Variants in MTUS2 observed in about 807,000 individuals in gnomAD.
MTUS2 encodes the protein microtubule associated scaffold protein 2.
A neutral mutation model predicts 114.1 loss-of-function variants in MTUS2; 40 were observed. The ratio of observed to expected loss-of-function variants is 0.35; its 90% confidence interval spans 0.27 to 0.46. The LOEUF (loss-of-function observed/expected upper bound fraction) is 0.46, where lower values mean the gene tolerates loss of function less well. Ranked by LOEUF, MTUS2 falls within the 20% of genes least tolerant of loss-of-function variation. The pLI is 1.00. For synonymous variants in MTUS2, 688 were observed against 672.0 expected, an observed-to-expected ratio of 1.02 and a Z score of -0.37; for missense variants, 1,679 against 1,705.4, an observed-to-expected ratio of 0.98 and a Z score of 0.27.
At chr13:29,049,671 G>C (rs1202189546) in intron 4 of MTUS2, among the ~76,000 whole-genome samples, 1 of 152,196 alleles carries the variant, frequency 6.6e-6, no homozygotes, top group Non-Finnish European at 1.5e-5. Context: ...AGCCTACAGA[G>C]CAGGAGGCTC....
intron 4 of MTUS2, among the ~76,000 whole-genome samples, chr13:29,071,409 ATTTTTTTTTTTTTTTTTT>A (rs751020009): frequency 1.5e-4 from 7 of 46,082 alleles, no homozygotes; most frequent in African/African-American, 3.3e-4. Flanking sequence ...TGTTGCTTGA[ATTTTTTTTTTTTTTTTTT>A]TTTTTTTTTT....
chr13:29,465,505 C>T (rs540094042), intron 9 of MTUS2, among the ~76,000 whole-genome samples: 8 of 152,288 alleles, frequency 5.3e-5, no homozygotes, highest in African/African-American at 1.9e-4. Flanking sequence ...ACCAGGTAAT[C>T]GCGTAGGCTA....
chr13:29,057,368 A>G (rs144632304), intron 4 of MTUS2, among the ~76,000 whole-genome samples: 114 of 152,148 alleles, frequency 7.5e-4, no homozygotes, highest in South Asian at 6.0e-3. Context: ...TTCTGTCTCA[A>G]TGATCTGTCT....
chr13:28,834,783 A>G (rs1170481576), intron 1 of MTUS2, among the ~76,000 whole-genome samples: 1 of 152,200 alleles, frequency 6.6e-6, no homozygotes, highest in South Asian at 2.1e-4. Context: ...TCTAATAAGG[A>G]TCTTGTATCC....
chr13:28,855,742 C>T (rs969066686), intron 2 of MTUS2, among the ~76,000 whole-genome samples: 3 of 152,110 alleles, frequency 2.0e-5, no homozygotes, highest in Non-Finnish European at 4.4e-5. Context: ...CATACACATG[C>T]ATGTATCTTT....
At chr13:28,968,012 T>TA (rs572575588) in intron 2 of MTUS2, among the ~76,000 whole-genome samples, 1 of 152,212 alleles carries the variant, frequency 6.6e-6, no homozygotes, top group African/African-American at 2.4e-5. Context: ...ATGCAATAGA[T>TA]AAAAATTATT....
At chr13:29,319,300 A>G (rs533829700) in intron 6 of MTUS2, among the ~76,000 whole-genome samples, 1 of 152,342 alleles carries the variant, frequency 6.6e-6, no homozygotes, top group Non-Finnish European at 1.5e-5. Context: ...TCCGGAGGTC[A>G]TGGTGACGTG....
intron 2 of MTUS2, among the ~76,000 whole-genome samples, chr13:28,849,573 A>AG (rs1876112750): frequency 6.6e-6 from 1 of 152,206 alleles, no homozygotes. Context: ...ACCTGAGGCT[A>AG]GGGGCACAGA....
chr13:28,908,277 G>A (rs912422520), intron 2 of MTUS2, among the ~76,000 whole-genome samples: 5 of 151,466 alleles, frequency 3.3e-5, no homozygotes, highest in South Asian at 2.1e-4. Context: ...ATCTCCAAAC[G>A]CTATCCCTTC....
At chr13:28,870,645 TGA>T (rs1181490056) in intron 2 of MTUS2, among the ~76,000 whole-genome samples, 1 of 151,902 alleles carries the variant, frequency 6.6e-6, no homozygotes, top group Non-Finnish European at 1.5e-5. Context: ...GAGCAGGTCC[TGA>T]GAGAGATAGT....
intron 8 of MTUS2, among the ~76,000 whole-genome samples, chr13:29,428,242 G>T (rs1162653773): frequency 6.6e-6 from 1 of 152,272 alleles, no homozygotes; most frequent in African/African-American, 2.4e-5. Context: ...TTCATGGGAG[G>T]AGAGGCCATA....
chr13:29,256,551 T>C (rs552273569), intron 5 of MTUS2, among the ~76,000 whole-genome samples: 26 of 152,328 alleles, frequency 1.7e-4, no homozygotes, highest in South Asian at 2.1e-4. Flanking sequence ...GTCCTAAATC[T>C]CTTCAGGGTC....
intron 2 of MTUS2, among the ~76,000 whole-genome samples, chr13:28,840,796 G>A (rs926625666): frequency 6.6e-6 from 1 of 152,172 alleles, no homozygotes; most frequent in Non-Finnish European, 1.5e-5. Context: ...AAGAGTTTGA[G>A]GTTTGGCTTT....
chr13:29,235,284 G>A (rs1476708837), intron 5 of MTUS2, among the ~76,000 whole-genome samples: 1 of 152,070 alleles, frequency 6.6e-6, no homozygotes, highest in East Asian at 1.9e-4. Flanking sequence ...GTAGAGATGG[G>A]GTTTCTCCAT....
intron 2 of MTUS2, among the ~76,000 whole-genome samples, chr13:28,859,759 A>G (rs1876857871): frequency 6.6e-6 from 1 of 152,122 alleles, no homozygotes; most frequent in Non-Finnish European, 1.5e-5. Flanking sequence ...TACAGGAGAA[A>G]GGGTAGAATA....
intron 1 of MTUS2, among the ~76,000 whole-genome samples, chr13:28,824,976 G>T (rs1349520970): frequency 6.6e-6 from 1 of 152,226 alleles, no homozygotes; most frequent in Non-Finnish European, 1.5e-5. Context: ...TAAAGGAGAT[G>T]GAAGAGTGAG....
chr13:29,334,410 A>G (rs1162087375), intron 7 of MTUS2, among the ~76,000 whole-genome samples: 3 of 152,188 alleles, frequency 2.0e-5, no homozygotes, highest in Admixed American at 1.3e-4. Flanking sequence ...GGTGGTGACA[A>G]AATCTCTCAG....
intron 5 of MTUS2, 72 bp downstream of exon 5, chr13:29,101,042 T>G: frequency 7.2e-7 from 1 of 1,397,090 alleles, no homozygotes; most frequent in Non-Finnish European, 9.5e-7. Flanking sequence ...CTGTGTGTCA[T>G]TTTCTTTGCA....
chr13:28,993,250 C>G (rs551890300), intron 2 of MTUS2, among the ~76,000 whole-genome samples: 2 of 152,050 alleles, frequency 1.3e-5, no homozygotes, highest in East Asian at 3.9e-4. Context: ...TTGTGTATAC[C>G]TAGAAGTGGG....
Sources: gnomAD v4.1 joint callset for allele counts (sites outside exome capture counted in the v4.1 genomes callset) on GRCh38, gnomAD v4.1.1 for gene constraint, MANE v1.5 for transcripts, NCBI Gene and HGNC (gene_info 2026-07-23, HGNC 2026-07-21) for gene names.